ZFAND3: variants seen among roughly 807,000 people sequenced by gnomAD.
ZFAND3 encodes AN1-type zinc finger protein 3.
ZFAND3 carries 10 observed loss-of-function variants against 29.6 expected under a neutral mutation model. That is an observed-to-expected ratio of 0.34 (90% CI 0.21 to 0.57). The LOEUF (loss-of-function observed/expected upper bound fraction) is 0.57. Among genes scored for constraint, ZFAND3 ranks in the 20% least tolerant of loss-of-function variants. The pLI is 0.86. For synonymous variants in ZFAND3, 128 were observed against 112.6 expected (o/e 1.14, Z -0.87); for missense variants, 230 against 304.5 (o/e 0.76, Z 1.82).
chr6:37,867,103 G>C (rs960248083), intron 1 of ZFAND3, among the ~76,000 whole-genome samples: 2 of 152,148 alleles, frequency 1.3e-5, no homozygotes, highest in Non-Finnish European at 2.9e-5. Context: ...GCGGTTGAGT[G>C]GCAAAGCTAG....
At chr6:38,028,431 C>CT (rs35389230) in intron 2 of ZFAND3, among the ~76,000 whole-genome samples, 44 of 148,778 alleles carry the variant, frequency 3.0e-4, no homozygotes, top group East Asian at 1.6e-3. Flanking sequence ...CTCACATTAT[C>CT]TTTTTTTTTT....
At chr6:37,862,697 CT>C in intron 1 of ZFAND3, among the ~76,000 whole-genome samples, 1 of 151,348 alleles carries the variant, frequency 6.6e-6, no homozygotes, top group Admixed American at 6.6e-5. Flanking sequence ...GAGCGAGATC[CT>C]GTCTCTAAAA....
rs372598964 is a variant in ZFAND3, at chr6:37,985,528, C to CACACACACACACA, written c.112+55529_112+55530insACACACACACACA. On this transcript the variant is annotated intron_variant, in intron 2 of 5. Transcript: ENST00000287218. ...ACACACACACACACACACACACACA[C>CACACACACACACA]CCCCACACACGCCTGGTGGCACGTG... Among the ~76,000 whole-genome samples, 603 of 127,730 alleles carry CACACACACACACA rather than the reference C, an allele frequency of 4.7e-3. 3 individuals are homozygous for CACACACACACACA. The highest frequency in any genetic ancestry group is 7.9e-3 in the Non-Finnish European group (447 of 56,494). 83.8% of individuals were successfully genotyped at this position (127,730 alleles called of 152,430 possible).
intron 2 of ZFAND3, among the ~76,000 whole-genome samples, chr6:37,970,494 TG>T (rs1762367251): frequency 6.6e-6 from 1 of 152,188 alleles, no homozygotes; most frequent in African/African-American, 2.4e-5. Flanking sequence ...AAGAATTACC[TG>T]GTGTCCTAGC....
intron 2 of ZFAND3, among the ~76,000 whole-genome samples, chr6:38,039,558 ATG>A (rs1398146482): frequency 6.6e-6 from 1 of 152,216 alleles, no homozygotes; most frequent in Admixed American, 6.5e-5. Flanking sequence ...TTAGATGCAT[ATG>A]TGTCAGCATG....
intron 5 of ZFAND3, among the ~76,000 whole-genome samples, chr6:38,141,549 G>C (rs771851243): frequency 6.6e-6 from 1 of 152,196 alleles, no homozygotes; most frequent in African/African-American, 2.4e-5. Flanking sequence ...CATATCTTCA[G>C]AAATTTTTAC....
chr6:37,836,962 TATAA>T (rs1325293085), intron 1 of ZFAND3, among the ~76,000 whole-genome samples: 1 of 152,224 alleles, frequency 6.6e-6, no homozygotes, highest in Non-Finnish European at 1.5e-5. Flanking sequence ...CTTCGATTCC[TATAA>T]ATATTTAGAT....
At chr6:37,873,877 C>T (rs943428275) in intron 1 of ZFAND3, among the ~76,000 whole-genome samples, 4 of 152,164 alleles carry the variant, frequency 2.6e-5, no homozygotes, top group African/African-American at 9.7e-5. Context: ...GACTGTGTCC[C>T]AGAAAAACTT....
intron 2 of ZFAND3, among the ~76,000 whole-genome samples, chr6:38,022,592 A>G (rs1269035553): frequency 6.6e-6 from 1 of 152,080 alleles, no homozygotes; most frequent in African/African-American, 2.4e-5. Context: ...TCCTCTTCCC[A>G]CTCCATTTTT....
At chr6:37,828,096 G>A (rs1763792159) in intron 1 of ZFAND3, among the ~76,000 whole-genome samples, 1 of 152,188 alleles carries the variant, frequency 6.6e-6, no homozygotes, top group Admixed American at 6.5e-5. Flanking sequence ...CTTACACACT[G>A]ATAAGTTGAA....
intron 1 of ZFAND3, among the ~76,000 whole-genome samples, chr6:37,922,794 TG>T (rs1462465576): frequency 6.6e-6 from 1 of 152,202 alleles, no homozygotes; most frequent in Non-Finnish European, 1.5e-5. Flanking sequence ...AGTGTACACC[TG>T]TCCCAGGCAC....
intron 1 of ZFAND3, among the ~76,000 whole-genome samples, chr6:37,874,176 G>C (rs560476022): frequency 6.6e-6 from 1 of 152,160 alleles, no homozygotes; most frequent in Non-Finnish European, 1.5e-5. Context: ...TTCTCCCTGT[G>C]TGTTCACATC....
At position 37,934,190 on chromosome 6, in the gene ZFAND3, T is replaced by C. The variant is rs190602283; in HGVS notation, c.112+4191T>C. 5.1e-3 allele frequency among the ~76,000 whole-genome samples: 754 copies of C among 147,700 alleles called. 10 individuals are homozygous for C. The highest frequency in any genetic ancestry group is 0.017 in the African/African-American group (696 of 40,310). On this transcript the variant is annotated intron_variant, in intron 2 of 5. Transcript: ENST00000287218. ...GGTGTAAGCCACTGCGCCCGGCCCT[T>C]TTTTTTTTTTGAGACGGAATCTGGC...
At chr6:38,133,879 A>G (rs1337853091) in intron 5 of ZFAND3, among the ~76,000 whole-genome samples, 8 of 152,000 alleles carry the variant, frequency 5.3e-5, no homozygotes, top group African/African-American at 1.9e-4. Context: ...AGCTCCCAGA[A>G]CCCCACCACT....
intron 4 of ZFAND3, among the ~76,000 whole-genome samples, chr6:38,096,634 T>G (rs1176262019): frequency 2.0e-5 from 3 of 152,202 alleles, no homozygotes; most frequent in African/African-American, 7.2e-5. Context: ...CTATCAACTT[T>G]GTGGGGGTTT....
At chr6:37,888,464 T>G (rs1765037990) in intron 1 of ZFAND3, among the ~76,000 whole-genome samples, 1 of 152,194 alleles carries the variant, frequency 6.6e-6, no homozygotes, top group African/African-American at 2.4e-5. Flanking sequence ...GCTTTATTCT[T>G]TTAGAGCTTA....
rs999228989 is a variant in ZFAND3 at position 37,889,196 on chromosome 6, G to A, written c.72-40763G>A. ...TCAAATGAGGACATCCAAAGCTAGA[G>A]GAAGACGGAGGAAAAAAAGGAAGCT... On this transcript the variant is annotated intron_variant, in intron 1 of 5. Coordinates refer to ENST00000287218, the MANE Select transcript of ZFAND3 (RefSeq NM_021943.3). Among the ~76,000 whole-genome samples the A allele has an allele frequency of 7.2e-5, 11 of 152,272 alleles. 1 individual carries two copies. The highest frequency in any genetic ancestry group is 3.3e-4 in the Admixed American group (5 of 15,292).
In ZFAND3 at chr6:38,152,305, C is replaced by T; in HGVS notation, c.600C>T (p.Gly200=). ...HDCTFDHMGR[G]REEAIMKMVK... ...GCACATTCGACCACATGGGCCGTGG[C>T]CGGGAGGAAGCCATCATGAAAATGG... Residue 200 remains glycine (G), a synonymous_variant, in exon 6 of 6, where the codon GGC becomes GGT. Coordinates refer to ENST00000287218, the MANE Select transcript of ZFAND3 (RefSeq NM_021943.3). 6.2e-7 allele frequency: 1 copy of T among 1,610,110 alleles called. No homozygotes were observed. The highest frequency in any genetic ancestry group is 8.5e-7 in the Non-Finnish European group (1 of 1,178,296).
chr6:37,891,685 A>G (rs547515812), intron 1 of ZFAND3, among the ~76,000 whole-genome samples: 2 of 152,340 alleles, frequency 1.3e-5, no homozygotes, highest in South Asian at 4.1e-4. Flanking sequence ...AGCTAGAGCT[A>G]ATACATTTAT....
Sources: gnomAD v4.1 joint callset for allele counts (sites outside exome capture counted in the v4.1 genomes callset) on GRCh38, gnomAD v4.1.1 for gene constraint, MANE v1.5 for transcripts, NCBI Gene and HGNC (gene_info 2026-07-23, HGNC 2026-07-21) for gene names.